ZFHX3: variants seen among roughly 807,000 people sequenced by gnomAD.
The protein encoded by ZFHX3 is zinc finger homeobox 3.
ZFHX3 carries 42 observed loss-of-function variants against 279.1 expected under a neutral mutation model. The ratio of observed to expected loss-of-function variants is 0.15; its 90% CI spans 0.12 to 0.19. The LOEUF is 0.19. Among genes scored for constraint, ZFHX3 ranks in the 10% least tolerant of loss-of-function variants. ZFHX3 has a pLI of 1.00. For missense variants in ZFHX3, 4,981 were observed against 4,754.0 expected (o/e 1.05, Z -1.40); for synonymous variants, 2,293 against 1,957.8 (o/e 1.17, Z -4.52).
At chr16:73,050,935 C>T (rs1378432489), upstream of ZFHX3, among the ~76,000 whole-genome samples, 1 of 152,342 alleles carries the variant, frequency 6.6e-6, no homozygotes, top group Non-Finnish European at 1.5e-5. Context: ...AAGCCAGAGG[C>T]CTGCCCCCTA....
intron 4 of ZFHX3, among the ~76,000 whole-genome samples, chr16:73,296,742 A>C (rs1317675181): frequency 1.3e-5 from 2 of 152,206 alleles, no homozygotes; most frequent in African/African-American, 2.4e-5. Flanking sequence ...AATACTACTA[A>C]TAATGATATT....
rs1237751080 is a variant in ZFHX3, at chr16:72,785,245, A to G, written c.*1919T>C. 1.3e-5 allele frequency: 2 copies of G among 152,566 alleles called. No individual in the cohort carries two copies. The highest frequency in any genetic ancestry group is 2.9e-5 in the Non-Finnish European group (2 of 68,032). 9.5% of individuals were successfully genotyped at this position (152,566 alleles called of 1,614,324 possible). A position where few individuals can be genotyped will look rare whatever the true frequency, so the allele number is the denominator to read the frequency against. ...ACCATTTATTTATTTTTCTTTTTAC[A>G]TGAGAAAGGGTGTGTGTTAACAGGA... On this transcript the variant is annotated 3_prime_UTR_variant, in exon 10 of 10. Coordinates refer to ENST00000268489, the MANE Select transcript of ZFHX3 (RefSeq NM_006885.4).
In ZFHX3 at chr16:72,959,677, A is replaced by C; in HGVS notation, c.469T>G (p.Cys157Gly). 1 of 1,613,912 alleles carries C rather than the reference A, an allele frequency of 6.2e-7. No homozygotes were observed. Among genetic ancestry groups the C allele is most frequent in the Non-Finnish European group, 8.5e-7 (1 of 1,179,994 alleles). ...LSQLTQGGGA[C>G]GSGSGSGPLP... ...GGCCCACTGCCACTGCCACTCCCAC[A>C]GGCGCCCCCGCCCTGGGTCAGCTGG... The change falls in exon 2 of 10, where the codon TGT becomes GGT. Residue 157 changes from cysteine to glycine, a missense_variant. By Grantham distance (159) the Cys-to-Gly change is radical. Transcript: ENST00000268489.
intron 3 of ZFHX3, among the ~76,000 whole-genome samples, chr16:73,415,427 C>T (rs887775431): frequency 2.6e-5 from 4 of 152,118 alleles, no homozygotes; most frequent in African/African-American, 9.7e-5. Context: ...GGGTATTAAG[C>T]CTGATTCAAA....
At chr16:73,157,465 T>TAAAAAAAAAAAAAAAAA (rs1297201223) in intron 5 of ZFHX3, among the ~76,000 whole-genome samples, 3 of 76,520 alleles carry the variant, frequency 3.9e-5, no homozygotes. Flanking sequence ...GAATGTTTGG[T>TAAAAAAAAAAAAAAAAA]AAAAAAAAAA....
chr16:73,622,206 C>G (rs993148070), intron 2 of ZFHX3, among the ~76,000 whole-genome samples: 1 of 152,144 alleles, frequency 6.6e-6, no homozygotes, highest in African/African-American at 2.4e-5. Context: ...CTTGTTTAGC[C>G]ACAGATCCAG....
intron 1 of ZFHX3, among the ~76,000 whole-genome samples, chr16:73,784,098 G>C (rs528189596): frequency 6.6e-6 from 1 of 152,058 alleles, no homozygotes; most frequent in South Asian, 2.1e-4. Context: ...AAGATGCCTG[G>C]CTGTTTTGGA....
At position 72,957,806 on chromosome 16, in the gene ZFHX3, C is replaced by T. The variant is rs377618377; in HGVS notation, c.2340G>A (p.Ala780=). ...AGAAAAAVAA[A]AAAANISSSC... ...AGCTACTGATATTGGCTGCCGCCGC[C>T]GCCGCAGCCACCGCCGCCGCCGCCG... Residue 780 remains alanine, a synonymous_variant, in exon 2 of 10, where the codon GCG becomes GCA. Transcript: ENST00000268489. 7.0e-5 allele frequency: 112 copies of T among 1,589,920 alleles called. No homozygotes were observed. The highest frequency in any genetic ancestry group is 3.3e-4 in the Middle Eastern group (2 of 6,012).
At chr16:73,316,580 T>C (rs1448494669) in intron 4 of ZFHX3, among the ~76,000 whole-genome samples, 1 of 152,250 alleles carries the variant, frequency 6.6e-6, no homozygotes. Flanking sequence ...ACAGGTCTTT[T>C]CTACCAAATA....
chr16:73,314,668 A>C (rs1400177603), intron 4 of ZFHX3, among the ~76,000 whole-genome samples: 1 of 152,182 alleles, frequency 6.6e-6, no homozygotes, highest in Non-Finnish European at 1.5e-5. Flanking sequence ...TTCACAGAGA[A>C]AGAATGACAT....
chr16:73,780,981 G>A (rs958063791), intron 1 of ZFHX3, among the ~76,000 whole-genome samples: 1 of 152,152 alleles, frequency 6.6e-6, no homozygotes, highest in African/African-American at 2.4e-5. Flanking sequence ...CAATAATGAA[G>A]AAGACTTGCA....
intron 2 of ZFHX3, among the ~76,000 whole-genome samples, chr16:73,478,391 T>A (rs2018805995): frequency 6.6e-6 from 1 of 152,146 alleles, no homozygotes; most frequent in Admixed American, 6.5e-5. Context: ...TATCCAGGCT[T>A]CTTCCCTGCT....
chr16:73,201,139 A>G (rs924207497), intron 5 of ZFHX3, among the ~76,000 whole-genome samples: 3 of 152,236 alleles, frequency 2.0e-5, no homozygotes, highest in African/African-American at 7.2e-5. Context: ...AGTGATGGAC[A>G]TGAGCTGAGA....
At chr16:73,416,149 AAAAC>A (rs991800177) in intron 3 of ZFHX3, among the ~76,000 whole-genome samples, 5 of 148,258 alleles carry the variant, frequency 3.4e-5, no homozygotes, top group Admixed American at 2.7e-4. Context: ...CAAAAAACGG[AAAAC>A]AAACAAACAA....
intron 7 of ZFHX3, among the ~76,000 whole-genome samples, chr16:73,129,302 C>T (rs1254180069): frequency 2.0e-5 from 3 of 151,654 alleles, no homozygotes; most frequent in Non-Finnish European, 4.4e-5. Flanking sequence ...GCATGAGAAT[C>T]GCTTGAGCCT....
At chr16:73,354,564 C>G (rs1019578259) in intron 3 of ZFHX3, among the ~76,000 whole-genome samples, 2 of 152,194 alleles carry the variant, frequency 1.3e-5, no homozygotes, top group African/African-American at 2.4e-5. Flanking sequence ...CCAGCATGGC[C>G]TCTGGACCAC....
intron 4 of ZFHX3, among the ~76,000 whole-genome samples, chr16:73,271,687 G>A (rs1429822994): frequency 3.3e-5 from 5 of 152,180 alleles, no homozygotes; most frequent in African/African-American, 1.2e-4. Context: ...TCTGCTGCAG[G>A]CCAGGAGCAT....
chr16:73,247,343 AT>A (rs1352412542), intron 5 of ZFHX3, among the ~76,000 whole-genome samples: 5 of 151,254 alleles, frequency 3.3e-5, no homozygotes, highest in Admixed American at 6.6e-5. Flanking sequence ...TATACTGTGT[AT>A]ATAACGTATT....
rs1014474272 is a variant in ZFHX3, at chr16:73,848,057, C to G, written c.-1608+43594G>C. On this transcript the variant is annotated intron_variant, in intron 1 of 17. Coordinates refer to the ZFHX3 transcript ENST00000641206. ...TACAGGCGTGAGCCACCGCGCCCGGCCAATATTTATTAGTAGTAGTATTAA... is the reference window on the plus strand; with the variant it reads ...TACAGGCGTGAGCCACCGCGCCCGGGCAATATTTATTAGTAGTAGTATTAA... Among the ~76,000 whole-genome samples the G allele has an allele frequency of 1.3e-4, 20 of 151,954 alleles. 2 individuals carry two copies. The highest frequency in any genetic ancestry group is 3.9e-4 in the Admixed American group (6 of 15,238).
Sources: gnomAD v4.1 joint callset for allele counts (sites outside exome capture counted in the v4.1 genomes callset) on GRCh38, gnomAD v4.1.1 for gene constraint, MANE v1.5 for transcripts, NCBI Gene and HGNC (gene_info 2026-07-23, HGNC 2026-07-21) for gene names.